CELF4: variants seen among roughly 807,000 people sequenced by gnomAD.
CELF4 encodes CUGBP Elav-like family member 4.
Under a neutral mutation model 59.9 loss-of-function variants are expected in CELF4, and 18 were observed. That is an observed-to-expected ratio of 0.30 (90% CI 0.21 to 0.45). The LOEUF (loss-of-function observed/expected upper bound fraction) is 0.45, where lower values mean the gene tolerates loss of function less well. Among genes scored for constraint, CELF4 ranks in the 20% least tolerant of loss-of-function variants. The pLI, the probability that CELF4 is intolerant of heterozygous loss-of-function variation, is 1.00. For synonymous variants in CELF4, 261 were observed against 267.1 expected (o/e 0.98, Z 0.22); for missense variants, 456 against 689.0 (o/e 0.66, Z 3.79).
intron 2 of CELF4, among the ~76,000 whole-genome samples, chr18:37,368,324 C>T (rs2098814286): frequency 6.6e-6 from 1 of 152,156 alleles, no homozygotes; most frequent in Non-Finnish European, 1.5e-5. Flanking sequence ...GCCCGTCTCC[C>T]TACTCTAGAC....
intron 1 of CELF4, among the ~76,000 whole-genome samples, chr18:37,531,459 G>A (rs927530146): frequency 1.9e-4 from 29 of 152,136 alleles, no homozygotes; most frequent in African/African-American, 5.1e-4. Flanking sequence ...ATAGCACCTC[G>A]CTGCTTTTAG....
At chr18:37,392,747 C>A (rs905233503) in intron 2 of CELF4, among the ~76,000 whole-genome samples, 1 of 152,182 alleles carries the variant, frequency 6.6e-6, no homozygotes, top group Admixed American at 6.5e-5. Context: ...AAGAAACTAG[C>A]CTGTTGTGCT....
intron 1 of CELF4, among the ~76,000 whole-genome samples, chr18:37,511,938 G>A (rs1182337312): frequency 6.6e-5 from 10 of 152,068 alleles, no homozygotes; most frequent in Admixed American, 6.6e-4. Flanking sequence ...AGCGGCTGGG[G>A]CTGGGGGTGG....
intron 2 of CELF4, among the ~76,000 whole-genome samples, chr18:37,339,076 C>T (rs1373145430): frequency 3.3e-5 from 5 of 152,166 alleles, no homozygotes; most frequent in Admixed American, 2.0e-4. Flanking sequence ...GCACAGGAGG[C>T]GCAGCCCAAT....
chr18:37,344,541 G>T (rs560505273), intron 2 of CELF4, among the ~76,000 whole-genome samples: 3 of 152,386 alleles, frequency 2.0e-5, no homozygotes, highest in African/African-American at 7.2e-5. Context: ...AGAAACTACA[G>T]GTAGACTCTG....
chr18:37,492,816 G>A (rs991711937), intron 1 of CELF4, among the ~76,000 whole-genome samples: 2 of 152,142 alleles, frequency 1.3e-5, no homozygotes, highest in Non-Finnish European at 2.9e-5. Context: ...CCTCAAGGAT[G>A]AGCCTCATTT....
chr18:37,532,634 TA>T (rs764638359), intron 1 of CELF4, among the ~76,000 whole-genome samples: 149 of 142,336 alleles, frequency 1.0e-3, no homozygotes, highest in Middle Eastern at 7.3e-3. Flanking sequence ...AGTAGAAAAT[TA>T]AAAAAAAAAA....
intron 1 of CELF4, among the ~76,000 whole-genome samples, chr18:37,486,868 T>C (rs1475839489): frequency 2.0e-5 from 3 of 152,200 alleles, no homozygotes; most frequent in Non-Finnish European, 2.9e-5. Flanking sequence ...TTCCCCATGT[T>C]CACTTCTCCG....
intron 1 of CELF4, among the ~76,000 whole-genome samples, chr18:37,532,936 G>A (rs1438943990): frequency 6.6e-6 from 1 of 152,200 alleles, no homozygotes; most frequent in East Asian, 1.9e-4. Flanking sequence ...GAGGGGTGCT[G>A]GACAATTATT....
At chr18:37,440,467 ACTT>A (rs2099709012) in intron 2 of CELF4, among the ~76,000 whole-genome samples, 1 of 152,078 alleles carries the variant, frequency 6.6e-6, no homozygotes, top group African/African-American at 2.4e-5. Context: ...CCCTGATTTC[ACTT>A]CTTCTACCAT....
chr18:37,448,444 C>A (rs1362341444), intron 2 of CELF4, among the ~76,000 whole-genome samples: 1 of 152,258 alleles, frequency 6.6e-6, no homozygotes, highest in Non-Finnish European at 1.5e-5. Context: ...CCTGGCGAGG[C>A]CTTGCCTTCA....
At chr18:37,427,015 G>A (rs1318339183) in intron 2 of CELF4, among the ~76,000 whole-genome samples, 1 of 140,156 alleles carries the variant, frequency 7.1e-6, no homozygotes, top group Non-Finnish European at 1.5e-5. Flanking sequence ...AGACTTGGCG[G>A]GTGCTGGCAG....
chr18:37,408,496 G>GAT (rs869309994), intron 2 of CELF4, among the ~76,000 whole-genome samples: 2 of 18,040 alleles, frequency 1.1e-4, no homozygotes, highest in Admixed American at 2.2e-3. Context: ...TGGTGCCGGG[G>GAT]GGGGGCGCGG....
At chr18:37,508,211 G>A (rs1217733096) in intron 1 of CELF4, among the ~76,000 whole-genome samples, 1 of 152,206 alleles carries the variant, frequency 6.6e-6, no homozygotes, top group Non-Finnish European at 1.5e-5. Context: ...CATCTCTAAG[G>A]CCAGACTAAG....
At chr18:37,483,588 A>G (rs1231479705) in intron 2 of CELF4, among the ~76,000 whole-genome samples, 1 of 152,184 alleles carries the variant, frequency 6.6e-6, no homozygotes, top group African/African-American at 2.4e-5. Context: ...TTGTGATTTC[A>G]GAAAAATGCC....
At chr18:37,273,490 C>T (rs961748340) in intron 6 of CELF4, 1 of 1,055,826 alleles carries the variant, frequency 9.5e-7, no homozygotes, top group African/African-American at 1.7e-5. Context: ...AAGTGACATC[C>T]AAAGCACTAG....
At chr18:37,329,872 G>A (rs72885308) in intron 2 of CELF4, among the ~76,000 whole-genome samples, 5 of 152,206 alleles carry the variant, frequency 3.3e-5, no homozygotes, top group African/African-American at 9.7e-5. Context: ...TGCCCATGAC[G>A]CTGACCTGGG....
At chr18:37,555,919 T>C (rs919561285) in intron 1 of CELF4, among the ~76,000 whole-genome samples, 1 of 152,196 alleles carries the variant, frequency 6.6e-6, no homozygotes, top group Non-Finnish European at 1.5e-5. Flanking sequence ...TGTGTATGTA[T>C]GCGAGCGTGT....
In CELF4 at chr18:37,360,148, G is replaced by A. The variant is rs556926773; in HGVS notation, c.370-38267C>T. Among the ~76,000 whole-genome samples, 15 of 152,150 alleles carry A rather than the reference G, an allele frequency of 9.9e-5. No homozygotes were observed. The South Asian group carries it at 1.5e-3, about 15-fold the overall frequency. ...GATTGCAGGCATGAGCCACCATGCC[G>A]GGCATTTGTTGCCTTTTAACCTGCA... is the stretch of plus-strand genomic sequence containing the variant. On this transcript the variant is annotated intron_variant, in intron 2 of 12. Coordinates refer to ENST00000420428, the MANE Select transcript of CELF4 (RefSeq NM_020180.4).
Sources: gnomAD v4.1 joint callset for allele counts (sites outside exome capture counted in the v4.1 genomes callset) on GRCh38, gnomAD v4.1.1 for gene constraint, MANE v1.5 for transcripts, NCBI Gene and HGNC (gene_info 2026-07-23, HGNC 2026-07-21) for gene names.